Variants in PDE4D observed in about 807,000 individuals in gnomAD.
PDE4D encodes phosphodiesterase 4D, also known as 3',5'-cyclic-AMP phosphodiesterase 4D.
Under a neutral mutation model 87.4 loss-of-function variants are expected in PDE4D, and 24 were observed. The ratio of observed to expected loss-of-function variants is 0.27; its 90% confidence interval spans 0.20 to 0.39. The LOEUF (loss-of-function observed/expected upper bound fraction) is 0.39, where lower values mean the gene tolerates loss of function less well. Ranked by LOEUF, PDE4D falls within the 10% of genes least tolerant of loss-of-function variation. The pLI is 1.00. For synonymous variants in PDE4D, 384 were observed against 383.2 expected, an observed-to-expected ratio of 1.00 and a Z score of -0.02; for missense variants, 714 against 1,041.0, an observed-to-expected ratio of 0.69 and a Z score of 4.32.
intron 1 of PDE4D, among the ~76,000 whole-genome samples, chr5:59,308,464 A>G (rs995174236): frequency 1.3e-5 from 2 of 152,054 alleles, no homozygotes; most frequent in African/African-American, 4.8e-5. Flanking sequence ...TTTCTGAAAA[A>G]GACTGTATCT....
rs186204672 is a variant in PDE4D, at chr5:60,421,247, C to T, written c.-90+66695G>A. On this transcript the variant is annotated intron_variant, in intron 1 of 16. Transcript: ENST00000502484. ...ACTGCCTCCTCAAGTGGGTCCCTGA[C>T]CCCCACATAGCTTAACTGGGAGACA... Among the ~76,000 whole-genome samples the T allele has an allele frequency of 1.5e-3, 228 of 152,346 alleles. 3 individuals are homozygous for T. The highest frequency in any genetic ancestry group is 1.9e-3 in the Non-Finnish European group (128 of 68,034).
chr5:59,655,650 T>C (rs978223201), intron 1 of PDE4D, among the ~76,000 whole-genome samples: 4 of 152,172 alleles, frequency 2.6e-5, no homozygotes, highest in Admixed American at 6.6e-5. Flanking sequence ...CCAGAAGCCA[T>C]GGTTTTTAGC....
At position 59,810,599 on chromosome 5, in the gene PDE4D, G is replaced by C. The variant is rs141958921; in HGVS notation, c.455+82569C>G. On this transcript the variant is annotated intron_variant, in intron 1 of 14. Transcript: ENST00000340635. Reference sequence around the variant, plus strand: ...TCTGCCATTCAGAACCTTGGACCATGCATTTGCTCCCACCCCTGGGATCCA... The same window carrying C: ...TCTGCCATTCAGAACCTTGGACCATCCATTTGCTCCCACCCCTGGGATCCA... Among the ~76,000 whole-genome samples, 215 of 152,288 alleles carry C rather than the reference G, an allele frequency of 1.4e-3. 1 individual carries two copies. The highest frequency in any genetic ancestry group is 4.8e-3 in the African/African-American group (198 of 41,566).
chr5:59,534,567 T>C (rs1814805461), intron 1 of PDE4D, among the ~76,000 whole-genome samples: 1 of 152,162 alleles, frequency 6.6e-6, no homozygotes, highest in Non-Finnish European at 1.5e-5. Flanking sequence ...GAAGACTCTT[T>C]CCACAAGAGC....
intron 1 of PDE4D, among the ~76,000 whole-genome samples, chr5:59,591,920 A>C (rs1825974402): frequency 6.6e-6 from 1 of 152,084 alleles, no homozygotes; most frequent in Non-Finnish European, 1.5e-5. Context: ...TCCCCCCATA[A>C]ATATATATTT....
At chr5:59,953,062 T>C (rs1158006806) in intron 3 of PDE4D, among the ~76,000 whole-genome samples, 1 of 152,064 alleles carries the variant, frequency 6.6e-6, no homozygotes, top group Non-Finnish European at 1.5e-5. Flanking sequence ...ACTCTTATCT[T>C]CTACTTGGAG....
intron 1 of PDE4D, among the ~76,000 whole-genome samples, chr5:59,345,853 C>T (rs1366728199): frequency 6.6e-6 from 1 of 152,156 alleles, no homozygotes; most frequent in African/African-American, 2.4e-5. Flanking sequence ...GGGATATACC[C>T]AACCTACGTG....
intron 1 of PDE4D, among the ~76,000 whole-genome samples, chr5:59,422,850 T>C (rs1402624912): frequency 6.6e-6 from 1 of 152,230 alleles, no homozygotes; most frequent in Non-Finnish European, 1.5e-5. Context: ...TTTATTAAAC[T>C]CTAGCAGTTG....
At chr5:60,019,430 G>T (rs968294586) in intron 2 of PDE4D, among the ~76,000 whole-genome samples, 2 of 152,162 alleles carry the variant, frequency 1.3e-5, no homozygotes, top group Non-Finnish European at 2.9e-5. Flanking sequence ...AACTATGAAA[G>T]TCCTAGGTGA....
chr5:60,054,103 C>T (rs1770513925), intron 2 of PDE4D, among the ~76,000 whole-genome samples: 1 of 152,100 alleles, frequency 6.6e-6, no homozygotes, highest in Non-Finnish European at 1.5e-5. Flanking sequence ...TAAATTAGTT[C>T]AACCATTGTG....
chr5:60,465,168 G>A (rs181346048), intron 1 of PDE4D, among the ~76,000 whole-genome samples: 103 of 151,876 alleles, frequency 6.8e-4, no homozygotes, highest in African/African-American at 2.3e-3. Flanking sequence ...AAATGCACCC[G>A]CTTGCTTCCT....
chr5:59,064,364 G>A (rs1763579621), intron 5 of PDE4D, among the ~76,000 whole-genome samples: 1 of 152,000 alleles, frequency 6.6e-6, no homozygotes, highest in African/African-American at 2.4e-5. Flanking sequence ...TCTTTCAGGT[G>A]AGCTCTGTGG....
intron 1 of PDE4D, among the ~76,000 whole-genome samples, chr5:60,452,940 C>T (rs1746208583): frequency 6.6e-6 from 1 of 152,086 alleles, no homozygotes; most frequent in South Asian, 2.1e-4. Context: ...GGTTCAAATG[C>T]CTCCACAATC....
In PDE4D at chr5:59,093,864, G is replaced by A. The variant is rs188098077; in HGVS notation, c.809-54893C>T. On this transcript the variant is annotated intron_variant, in intron 5 of 14. Transcript: ENST00000340635. ...AGAGAGACAGAGGAAAACCTCAAGA[G>A]GATAATAATCTGTGACCTTAGATAA... is the stretch of plus-strand genomic sequence containing the variant. Among the ~76,000 whole-genome samples, 1,150 of 152,196 alleles carry A rather than the reference G, an allele frequency of 7.6e-3. 5 individuals are homozygous for A. Among genetic ancestry groups the A allele is most frequent in the Non-Finnish European group, 0.012 (849 of 68,008 alleles).
chr5:59,310,089 A>C (rs2153565377), intron 1 of PDE4D, among the ~76,000 whole-genome samples: 1 of 152,256 alleles, frequency 6.6e-6, no homozygotes, highest in East Asian at 1.9e-4. Flanking sequence ...AGGACTTCAG[A>C]GTCTGTACTG....
At chr5:59,814,434 T>C (rs932495822) in intron 1 of PDE4D, among the ~76,000 whole-genome samples, 3 of 152,246 alleles carry the variant, frequency 2.0e-5, no homozygotes, top group African/African-American at 7.2e-5. Context: ...AACTTCGATA[T>C]GTGTCCAGCC....
At chr5:60,257,272 AAG>A (rs1395200257) in intron 1 of PDE4D, among the ~76,000 whole-genome samples, 2 of 151,684 alleles carry the variant, frequency 1.3e-5, no homozygotes, top group East Asian at 3.9e-4. Flanking sequence ...GAAAGAGAGA[AAG>A]AGAAAAAAGA....
At chr5:59,899,918 C>A (rs1752057494) in intron 3 of PDE4D, among the ~76,000 whole-genome samples, 1 of 152,122 alleles carries the variant, frequency 6.6e-6, no homozygotes, top group Non-Finnish European at 1.5e-5. Context: ...CATATAGCTA[C>A]AGATTGATGA....
intron 5 of PDE4D, among the ~76,000 whole-genome samples, chr5:59,098,331 T>C (rs1021838142): frequency 6.6e-6 from 1 of 152,144 alleles, no homozygotes; most frequent in Non-Finnish European, 1.5e-5. Flanking sequence ...CTGATGCTAA[T>C]ATGTTAGTTA....
Sources: allele counts gnomAD v4.1 joint callset (sites outside exome capture counted in the v4.1 genomes callset), GRCh38; gene constraint gnomAD v4.1.1; transcripts MANE v1.5; gene names NCBI Gene and HGNC (gene_info 2026-07-23, HGNC 2026-07-21).